INPP5D: variants seen among roughly 807,000 people sequenced by gnomAD.
INPP5D encodes the protein phosphatidylinositol 3,4,5-trisphosphate 5-phosphatase 1.
INPP5D carries 33 observed loss-of-function variants against 122.9 expected under a neutral mutation model. The ratio of observed to expected loss-of-function variants is 0.27; its 90% CI spans 0.20 to 0.36. The LOEUF (loss-of-function observed/expected upper bound fraction) is 0.36. Ranked by LOEUF, INPP5D falls within the 10% of genes least tolerant of loss-of-function variation. The probability of loss-of-function intolerance (pLI) is 1.00; values close to 1 mark genes in which losing one functional copy is unlikely to be tolerated. For synonymous variants in INPP5D, 584 were observed against 576.2 expected (o/e 1.01, Z -0.19); for missense variants, 1,053 against 1,412.7 (o/e 0.75, Z 4.08).
Position 233,125,789 on chromosome 2 carries a change from C to A in INPP5D, c.394C>A (p.Pro132Thr). The A allele has an allele frequency of 6.2e-7, 1 of 1,613,942 alleles. No homozygotes were observed. The highest frequency in any genetic ancestry group is 8.5e-7 in the Non-Finnish European group (1 of 1,179,854). Residue 132 changes from proline to threonine, a missense_variant, in exon 4 of 27, where the codon CCG becomes ACG. By Grantham distance (38) the Pro-to-Thr change is conservative (BLOSUM62 -1). Coordinates refer to ENST00000445964, the MANE Select transcript of INPP5D (RefSeq NM_001017915.3). ...ACCCGAGCTGCCCCCAAGAAACATC[C>A]CGCTGACTGCCAGCTCCTGTGAGGC... is the stretch of plus-strand genomic sequence containing the variant. The part of the protein sequence containing the change: ...SPPELPPRNI[P>T]LTASSCEAKE...
At chr2:233,117,927 T>C (rs1249381130) in intron 2 of INPP5D, among the ~76,000 whole-genome samples, 3 of 152,188 alleles carry the variant, frequency 2.0e-5, no homozygotes, top group Admixed American at 2.0e-4. Context: ...AACTCTTGTC[T>C]GTCATCCTGA....
rs376023581 is a variant in INPP5D at position 233,170,622 on chromosome 2, G to T, written c.1900+18G>T. On this transcript the variant is annotated intron_variant, in intron 16 of 26. Transcript: ENST00000445964. The surrounding 1 kb of genome is among the most constrained non-coding windows in gnomAD (Gnocchi z 4.5). ...ACACTTCGGTAAGAGCAGCAACCCC[G>T]GCTGGGAGCGGTGGCTCACACCTGT... The T allele has an allele frequency of 3.1e-6, 5 of 1,611,124 alleles. No individual in the cohort carries two copies. The South Asian group carries it at 3.3e-5, about 11-fold the overall frequency.
intron 9 of INPP5D, among the ~76,000 whole-genome samples, chr2:233,147,822 G>A (rs1006520508): frequency 6.6e-6 from 1 of 152,132 alleles, no homozygotes; most frequent in Non-Finnish European, 1.5e-5. Flanking sequence ...CACAGATGAG[G>A]TCTTGTTGAC....
At chr2:233,068,456 A>G (rs1421485547) in intron 1 of INPP5D, among the ~76,000 whole-genome samples, 11 of 151,764 alleles carry the variant, frequency 7.2e-5, no homozygotes, top group Non-Finnish European at 1.3e-4. Context: ...TTAGCTGGGC[A>G]TGGTGGCGGG....
chr2:233,074,759 A>G (rs1231437918), intron 1 of INPP5D, among the ~76,000 whole-genome samples: 1 of 152,178 alleles, frequency 6.6e-6, no homozygotes, highest in Non-Finnish European at 1.5e-5. Flanking sequence ...ACGTAACAAG[A>G]GTCACAAAAG....
chr2:233,187,266 A>G (rs1443140974), intron 21 of INPP5D, among the ~76,000 whole-genome samples: 2 of 152,066 alleles, frequency 1.3e-5, no homozygotes, highest in Admixed American at 6.6e-5. Context: ...CCTCGAGTAC[A>G]AGCTTATTAT....
chr2:233,118,411 C>T (rs1461999172), intron 2 of INPP5D, among the ~76,000 whole-genome samples: 1 of 152,210 alleles, frequency 6.6e-6, no homozygotes, highest in East Asian at 1.9e-4. Flanking sequence ...CCCCACCCCT[C>T]CGCTGTCTGG....
intron 1 of INPP5D, 127 bp from the exon 2 acceptor site, chr2:233,079,208 T>G: frequency 1.5e-6 from 1 of 664,944 alleles, no homozygotes; most frequent in Non-Finnish European, 2.7e-6. Context: ...AAGAGAACGG[T>G]CAGCTCCGAA....
rs1456304585 is a variant in INPP5D at position 233,163,870 on chromosome 2, C to A, written c.1404C>A (p.Ser468=). Residue 468 remains serine (S), a synonymous_variant, in exon 12 of 27, where the codon TCC becomes TCA. Coordinates refer to ENST00000445964, the MANE Select transcript of INPP5D (RefSeq NM_001017915.3). ...EKEWLEILKH[S]LQEITSVTFK... ...AGTGGCTGGAGATCCTCAAACACTC[C>A]CTGCAAGAAATCACCAGTGTGACTT... 3 of 1,613,720 alleles carry A rather than the reference C, an allele frequency of 1.9e-6. No individual in the cohort carries two copies. The African/African-American group carries it at 4.0e-5, about 22-fold the overall frequency.
At chr2:233,124,858 C>T (rs72984294) in intron 3 of INPP5D, among the ~76,000 whole-genome samples, 9,016 of 152,342 alleles carry the variant, frequency 0.059, 388 homozygotes, top group African/African-American at 0.12. Flanking sequence ...CAGAGCAATG[C>T]GACATGAGGC....
chr2:233,145,353 C>G, intron 6 of INPP5D: 1 of 456,174 alleles, frequency 2.2e-6, no homozygotes, highest in Non-Finnish European at 4.4e-6. Context: ...TGGCCAGACA[C>G]TGTTCTGAGC....
chr2:233,099,827 A>C (rs534186650), intron 2 of INPP5D, among the ~76,000 whole-genome samples: 1 of 152,244 alleles, frequency 6.6e-6, no homozygotes, highest in Non-Finnish European at 1.5e-5. Context: ...TGATAAAGAC[A>C]TACCTAAGAC....
intron 2 of INPP5D, among the ~76,000 whole-genome samples, chr2:233,115,459 A>G (rs1371420324): frequency 6.6e-6 from 1 of 152,136 alleles, no homozygotes; most frequent in Admixed American, 6.5e-5. Context: ...GAGCCCAGGA[A>G]CTGTTTCTGG....
chr2:233,204,292 C>T lies in INPP5D; in HGVS notation c.3142C>T (p.Pro1048Ser), dbSNP rs1369883554. The part of the protein sequence containing the change: ...ESPKMPRKEP[P>S]PCPEPGILSP... The stretch of plus-strand genomic sequence containing the variant: ...CCCCAAAATGCCGCGGAAGGAACCC[C>T]CGCCCTGCCCGGAACCCGGCATCTT... The change falls in exon 26 of 27, where the codon CCG becomes TCG. Residue 1048 changes from proline (P) to serine (S), a missense_variant. Physicochemically the swap from Pro to Ser is moderately conservative, Grantham distance 74. Around this residue, in one of 6 missense-constraint regions of INPP5D, gnomAD observed 417 missense variants for 425.8 expected, o/e 0.98. Transcript: ENST00000445964. 5.6e-6 allele frequency: 9 copies of T among 1,612,874 alleles called. No homozygotes were observed. The highest frequency in any genetic ancestry group is 7.6e-6 in the Non-Finnish European group (9 of 1,179,670).
intron 2 of INPP5D, among the ~76,000 whole-genome samples, chr2:233,086,189 C>CTTTCTTTCTTTCTTTCTTTCTTT (rs60296918): frequency 1.1e-4 from 14 of 129,616 alleles, no homozygotes; most frequent in South Asian, 4.9e-4. Flanking sequence ...TTCTTTCTTT[C>CTTTCTTTCTTTCTTTCTTTCTTT]CTTTTTGAGA....
chr2:233,169,797 G>C (rs1397289249), intron 14 of INPP5D: 7 of 683,510 alleles, frequency 1.0e-5, no homozygotes, highest in Non-Finnish European at 1.7e-5. Context: ...TGCTGCTCCT[G>C]GTCCCCTGCC....
chr2:233,081,778 G>A (rs1031336880), intron 2 of INPP5D, among the ~76,000 whole-genome samples: 2 of 151,960 alleles, frequency 1.3e-5, no homozygotes, highest in Admixed American at 6.6e-5. Context: ...GGGTCTGCAC[G>A]CAGCTTCTCC....
rs1332661304 is a variant in INPP5D, at chr2:233,188,221, C to A, written c.2359-1629C>A. ...TCCCACAGGACTGCAGGGGCCTTCACCGTCTCCTGCTCCCTGACCCCCGCC... is the reference window on the plus strand; with the variant it reads ...TCCCACAGGACTGCAGGGGCCTTCAACGTCTCCTGCTCCCTGACCCCCGCC... On this transcript the variant is annotated intron_variant, in intron 21 of 26. Transcript: ENST00000445964. The surrounding 1 kb of genome is among the most constrained non-coding windows in gnomAD (Gnocchi z 4.7). 6.6e-6 allele frequency among the ~76,000 whole-genome samples: 1 copy of A among 152,080 alleles called. No individual in the cohort carries two copies. The highest frequency in any genetic ancestry group is 6.5e-5 in the Admixed American group (1 of 15,274).
chr2:233,185,768 G>T, intron 20 of INPP5D, 75 bp from the exon 21 acceptor site: 2 of 1,392,286 alleles, frequency 1.4e-6, no homozygotes. Flanking sequence ...GGTCTGGGTG[G>T]GGTGACCCCA....
Sources: allele counts gnomAD v4.1 joint callset (sites outside exome capture counted in the v4.1 genomes callset), GRCh38; gene constraint gnomAD v4.1.1; regional missense constraint gnomAD v4.1.1; non-coding constraint Gnocchi (gnomAD v3.1); transcripts MANE v1.5; gene names NCBI Gene and HGNC (gene_info 2026-07-23, HGNC 2026-07-21).